Variants in PDE8B observed in about 807,000 individuals in gnomAD.
PDE8B encodes phosphodiesterase 8B.
In PDE8B, 26 loss-of-function variants were observed where a neutral mutation model predicts 101.3. The observed-to-expected ratio is 0.26, with a 90% CI of 0.19 to 0.36. The LOEUF (loss-of-function observed/expected upper bound fraction) is 0.36. PDE8B is among the 10% of genes least tolerant of loss of function. The probability of loss-of-function intolerance (pLI) is 1.00; values close to 1 mark genes in which losing one functional copy is unlikely to be tolerated. For synonymous variants in PDE8B, 424 were observed against 429.3 expected, an observed-to-expected ratio of 0.99 and a Z score of 0.15; for missense variants, 810 against 1,163.1, an observed-to-expected ratio of 0.70 and a Z score of 4.42.
intron 1 of PDE8B, among the ~76,000 whole-genome samples, chr5:77,265,285 TAA>T (rs1243244492): frequency 6.6e-6 from 1 of 152,240 alleles, no homozygotes; most frequent in Admixed American, 6.5e-5. Context: ...TTAATACTCA[TAA>T]AATGTATCCT....
At chr5:77,194,965 A>G in the PDE8B span, among the ~76,000 whole-genome samples, 2 of 152,206 alleles carry the variant, frequency 1.3e-5, no homozygotes, top group Non-Finnish European at 2.9e-5. Context: ...CTGGGAGTGG[A>G]ATTGCTGAGT....
At chr5:77,348,435 C>T (rs1020099178) in intron 7 of PDE8B, among the ~76,000 whole-genome samples, 4 of 152,084 alleles carry the variant, frequency 2.6e-5, no homozygotes, top group African/African-American at 9.7e-5. Context: ...TGAAAAGAAA[C>T]CTCTGAGTCT....
At chr5:77,356,427 T>C (rs1029214593) in intron 10 of PDE8B, among the ~76,000 whole-genome samples, 22 of 152,100 alleles carry the variant, frequency 1.4e-4, no homozygotes, top group African/African-American at 4.3e-4. Context: ...CTCTTGTGTC[T>C]TGTTTTGTTT....
chr5:77,360,015 C>G (rs920133853), intron 10 of PDE8B, among the ~76,000 whole-genome samples: 3 of 151,100 alleles, frequency 2.0e-5, no homozygotes, highest in African/African-American at 7.3e-5. Flanking sequence ...TGCTTAAATC[C>G]AGGAGGTGGA....
chr5:77,369,757 G>A (rs769254442), intron 10 of PDE8B, among the ~76,000 whole-genome samples: 4 of 152,170 alleles, frequency 2.6e-5, no homozygotes, highest in Non-Finnish European at 5.9e-5. Flanking sequence ...TCCCTGTGGT[G>A]CCTTTGAACA....
At chr5:77,216,610 A>G (rs1482558359) in intron 1 of PDE8B, among the ~76,000 whole-genome samples, 1 of 152,156 alleles carries the variant, frequency 6.6e-6, no homozygotes, top group South Asian at 2.1e-4. Context: ...CAGCCAAACC[A>G]TATCAGGGTG....
At chr5:77,275,880 C>T (rs1413332063) in intron 1 of PDE8B, among the ~76,000 whole-genome samples, 1 of 152,204 alleles carries the variant, frequency 6.6e-6, no homozygotes, top group Non-Finnish European at 1.5e-5. Context: ...ATCCTACAGA[C>T]ACACCAAAGG....
intron 20 of PDE8B, among the ~76,000 whole-genome samples, chr5:77,424,974 G>C (rs925452742): frequency 2.0e-5 from 3 of 152,174 alleles, no homozygotes; most frequent in Non-Finnish European, 4.4e-5. Context: ...ACAGGCATGA[G>C]CCATTGGGCT....
At position 77,329,091 on chromosome 5, in the gene PDE8B, T is replaced by G. The variant is rs368417608; in HGVS notation, c.650+34T>G. 809 of 1,521,758 alleles carry G rather than the reference T, an allele frequency of 5.3e-4. 1 individual carries two copies. Among genetic ancestry groups the G allele is most frequent in the Non-Finnish European group, 7.1e-4 (779 of 1,095,944 alleles). 94.3% of individuals were successfully genotyped at this position (1,521,758 alleles called of 1,614,324 possible). On this transcript the variant is annotated intron_variant, in intron 4 of 21. Transcript: ENST00000264917. ...ACCTCCCATTCCCAGATGGAAGGAG[T>G]ACTGTTCATTCTGAAATATTTGTCA...
intron 1 of PDE8B, among the ~76,000 whole-genome samples, chr5:77,262,254 A>C (rs1760766737): frequency 6.6e-6 from 1 of 152,072 alleles, no homozygotes; most frequent in Non-Finnish European, 1.5e-5. Flanking sequence ...CTGAATGATT[A>C]GCTCACAGAG....
chr5:77,361,013 G>A (rs1017346733), intron 10 of PDE8B, among the ~76,000 whole-genome samples: 9 of 152,182 alleles, frequency 5.9e-5, no homozygotes, highest in Non-Finnish European at 2.9e-5. Flanking sequence ...AATTATATAA[G>A]CATGCATTTA....
chr5:77,426,642 A>G lies in PDE8B; in HGVS notation c.*88A>G. ...CGAGAGGCCTTCCTTTCTAATGACA[A>G]TGACAGGTATTGGTGAAGGAGCTAA... is the stretch of plus-strand genomic sequence containing the variant. On this transcript the variant is annotated 3_prime_UTR_variant, in exon 22 of 22. Transcript: ENST00000264917. 2 of 747,968 alleles carry G rather than the reference A, an allele frequency of 2.7e-6. No homozygotes were observed. The highest frequency in any genetic ancestry group is 4.9e-6 in the Non-Finnish European group (2 of 409,736). 46.3% of individuals were successfully genotyped at this position (747,968 alleles called of 1,614,324 possible). A position where few individuals can be genotyped will look rare whatever the true frequency, so the allele number is the denominator to read the frequency against.
At chr5:77,273,786 C>A (rs6885813) in intron 1 of PDE8B, among the ~76,000 whole-genome samples, 32,938 of 151,830 alleles carry the variant, frequency 0.22, 4,542 homozygotes, top group South Asian at 0.45. Flanking sequence ...AGAGAACTTC[C>A]AGGTAGTTCC....
At chr5:77,379,842 C>T (rs1787113695) in intron 10 of PDE8B, among the ~76,000 whole-genome samples, 1 of 152,158 alleles carries the variant, frequency 6.6e-6, no homozygotes, top group Non-Finnish European at 1.5e-5. Flanking sequence ...CTGTACTATA[C>T]CACTCACACT....
chr5:77,321,925 C>G (rs1421318070), intron 2 of PDE8B, among the ~76,000 whole-genome samples: 1 of 152,118 alleles, frequency 6.6e-6, no homozygotes, highest in Non-Finnish European at 1.5e-5. Context: ...AAAATCATTA[C>G]AGTTCCCAGA....
the PDE8B span, among the ~76,000 whole-genome samples, chr5:77,177,221 G>A: frequency 6.6e-6 from 1 of 152,138 alleles, no homozygotes; most frequent in African/African-American, 2.4e-5. Context: ...TTAAACATGA[G>A]GCATCCAAAG....
Position 77,211,193 on chromosome 5 carries a change from A to G in PDE8B, c.268A>G (p.Ser90Gly). The G allele has an allele frequency of 1.9e-6, 3 of 1,558,550 alleles. No individual in the cohort carries two copies. Among genetic ancestry groups the G allele is most frequent in the Non-Finnish European group, 2.6e-6 (3 of 1,160,282 alleles). ...TTCCGCAGCCCCCGCCGCGACCACCAGCAGGGGCCGGAGGCGCCACTGCTG... is the reference window on the plus strand; with the variant it reads ...TTCCGCAGCCCCCGCCGCGACCACCGGCAGGGGCCGGAGGCGCCACTGCTG... Reference protein sequence around the residue: ...AGSAAPAATTSRGRRRHCCSS... With the variant: ...AGSAAPAATTGRGRRRHCCSS... Residue 90 changes from serine (S) to glycine (G), a missense_variant, in exon 1 of 22, where the codon AGC (serine) becomes GGC (glycine). Around this residue, in one of 4 missense-constraint regions of PDE8B, gnomAD observed 159 missense variants for 146.6 expected, o/e 1.08. Transcript: ENST00000264917. This position sits in a 1 kb window ranked among gnomAD's most constrained non-coding sequence, Gnocchi z 4.1.
Position 77,351,094 on chromosome 5 carries a change from G to C in PDE8B, c.1047G>C (p.Arg349=), listed in dbSNP as rs1561567520. ...KEWQGVYYAR[R]KSGDSIQQHV... ...GGCAGGGGGTTTACTATGCCAGACG[G>C]AAATCCGGGGACAGCATCCAACAGC... Residue 349 remains arginine (R), a synonymous_variant, in exon 9 of 22, where the codon CGG becomes CGC. Transcript: ENST00000264917. 1 of 1,614,160 alleles carries C rather than the reference G, an allele frequency of 6.2e-7. No individual in the cohort carries two copies. Among genetic ancestry groups the C allele is most frequent in the Non-Finnish European group, 8.5e-7 (1 of 1,179,998 alleles).
chr5:77,272,897 T>C (rs572857864), intron 1 of PDE8B, among the ~76,000 whole-genome samples: 1 of 152,276 alleles, frequency 6.6e-6, no homozygotes, highest in East Asian at 1.9e-4. Flanking sequence ...TTTTTTAATG[T>C]ATTTTTATTG....
Sources: gnomAD v4.1 joint callset for allele counts (sites outside exome capture counted in the v4.1 genomes callset) on GRCh38, gnomAD v4.1.1 for gene constraint, gnomAD v4.1.1 regional missense constraint, Gnocchi (gnomAD v3.1) non-coding constraint, MANE v1.5 for transcripts, NCBI Gene and HGNC (gene_info 2026-07-23, HGNC 2026-07-21) for gene names.